BAZ2B: variants seen among roughly 807,000 people sequenced by gnomAD.
BAZ2B encodes the protein bromodomain adjacent to zinc finger domain 2B, also known as bromodomain adjacent to zinc finger domain protein 2B.
Under a neutral mutation model 246.0 loss-of-function variants are expected in BAZ2B, and 91 were observed. The ratio of observed to expected loss-of-function variants is 0.37; its 90% CI spans 0.31 to 0.44. BAZ2B has a LOEUF of 0.44. Among genes scored for constraint, BAZ2B ranks in the 20% least tolerant of loss-of-function variants. BAZ2B has a pLI of 1.00. For missense variants in BAZ2B, 2,332 were observed against 2,533.7 expected, an observed-to-expected ratio of 0.92 and a Z score of 1.71; for synonymous variants, 855 against 860.0, an observed-to-expected ratio of 0.99 and a Z score of 0.10.
At chr2:159,593,127 G>T (rs1689783628) in intron 1 of BAZ2B, among the ~76,000 whole-genome samples, 1 of 152,118 alleles carries the variant, frequency 6.6e-6, no homozygotes, top group South Asian at 2.1e-4. Flanking sequence ...GTAATAAAAA[G>T]AAAATACATG....
chr2:159,499,394 G>T (rs1425965615), intron 2 of BAZ2B, among the ~76,000 whole-genome samples: 2 of 152,090 alleles, frequency 1.3e-5, no homozygotes, highest in African/African-American at 4.8e-5. Context: ...CATGGTGTAT[G>T]TACCACATTT....
the BAZ2B span, among the ~76,000 whole-genome samples, chr2:159,687,029 G>C: frequency 1.0e-5 from 1 of 98,738 alleles, no homozygotes; most frequent in Non-Finnish European, 1.8e-5. Context: ...GTGACAGAGC[G>C]AGACTCCATC....
At chr2:159,711,339 C>CTTAAAATACCTTTAAGTCT in the BAZ2B span, among the ~76,000 whole-genome samples, 2 of 152,188 alleles carry the variant, frequency 1.3e-5, no homozygotes, top group Non-Finnish European at 2.9e-5. Flanking sequence ...TACATGCCAA[C>CTTAAAATACCTTTAAGTCT]TTAAAATACC....
At chr2:159,675,679 T>C in the BAZ2B span, among the ~76,000 whole-genome samples, 5 of 152,352 alleles carry the variant, frequency 3.3e-5, no homozygotes, top group Admixed American at 2.0e-4. Flanking sequence ...TATTTCCCCA[T>C]ATATCATCTC....
the BAZ2B span, among the ~76,000 whole-genome samples, chr2:159,669,590 T>C: frequency 2.0e-5 from 3 of 152,116 alleles, no homozygotes; most frequent in Non-Finnish European, 4.4e-5. Context: ...TACTCAGGCA[T>C]TTGTGATTAC....
intron 1 of BAZ2B, among the ~76,000 whole-genome samples, chr2:159,571,627 A>G (rs1234778434): frequency 1.3e-5 from 2 of 152,172 alleles, no homozygotes; most frequent in African/African-American, 4.8e-5. Flanking sequence ...CTAATGGCCA[A>G]TTGTCTTAGT....
the BAZ2B span, among the ~76,000 whole-genome samples, chr2:159,660,621 A>G: frequency 1.3e-5 from 2 of 151,982 alleles, no homozygotes; most frequent in Non-Finnish European, 2.9e-5. Flanking sequence ...ATATATATAT[A>G]TTTTTTGAGA....
chr2:159,712,140 ACGGGGCCCTGCAGGTGGGCCTGTGGG>A, the BAZ2B span: 1 of 149,958 alleles, frequency 6.7e-6, no homozygotes. Context: ...TATTTCGAGC[ACGGGGCCCTGCAGGTGGGCCTGTGGG>A]CGGGGACCCG....
chr2:159,328,912 G>C (rs2064191532), intron 34 of BAZ2B, among the ~76,000 whole-genome samples: 2 of 152,274 alleles, frequency 1.3e-5, no homozygotes, highest in South Asian at 4.1e-4. Flanking sequence ...CAGATAACTT[G>C]AGGTTAGGAG....
chr2:159,481,487 T>C (rs930794675), intron 2 of BAZ2B, among the ~76,000 whole-genome samples: 8 of 151,308 alleles, frequency 5.3e-5, no homozygotes, highest in African/African-American at 1.9e-4. Context: ...CTAAAAGCAG[T>C]GGGTCAAAAT....
chr2:159,676,969 TA>T, the BAZ2B span, among the ~76,000 whole-genome samples: 1 of 94,324 alleles, frequency 1.1e-5, no homozygotes, highest in Admixed American at 1.0e-4. Flanking sequence ...TATATATATA[TA>T]TATATATATA....
the BAZ2B span, among the ~76,000 whole-genome samples, chr2:159,624,082 G>T: frequency 6.6e-6 from 1 of 152,186 alleles, no homozygotes; most frequent in Non-Finnish European, 1.5e-5. Context: ...CTGCTGGGAG[G>T]TTCGAACCGG....
At chr2:159,674,272 C>A in the BAZ2B span, among the ~76,000 whole-genome samples, 1 of 145,382 alleles carries the variant, frequency 6.9e-6, no homozygotes, top group Non-Finnish European at 1.5e-5. Flanking sequence ...TAAGTGAGGG[C>A]TGCAGTAAGC....
At chr2:159,466,315 CAG>C (rs760704364) in intron 3 of BAZ2B, among the ~76,000 whole-genome samples, 1 of 152,148 alleles carries the variant, frequency 6.6e-6, no homozygotes, top group Non-Finnish European at 1.5e-5. Context: ...ACTTATTAAT[CAG>C]AGTTAATTAT....
chr2:159,670,718 G>A, the BAZ2B span: 1 of 152,114 alleles, frequency 6.6e-6, no homozygotes, highest in African/African-American at 2.4e-5. Flanking sequence ...CATTTCTGAT[G>A]TTCTTCATTT....
At chr2:159,538,548 A>G (rs1035512283) in intron 2 of BAZ2B, among the ~76,000 whole-genome samples, 10 of 152,190 alleles carry the variant, frequency 6.6e-5, no homozygotes, top group Admixed American at 1.3e-4. Context: ...ATTCTCATGT[A>G]CCACTCTGGT....
chr2:159,636,522 A>G, the BAZ2B span, among the ~76,000 whole-genome samples: 3 of 152,122 alleles, frequency 2.0e-5, no homozygotes, highest in African/African-American at 7.2e-5. Context: ...GAAATCACTC[A>G]TCGCGGTGGT....
upstream of BAZ2B, among the ~76,000 whole-genome samples, chr2:159,617,406 A>AT (rs1376652278): frequency 1.3e-5 from 2 of 152,102 alleles, no homozygotes; most frequent in Non-Finnish European, 2.9e-5. Context: ...CATCCTATAG[A>AT]TTCCTAAAAA....
intron 14 of BAZ2B, 83 bp downstream of exon 14, chr2:159,412,252 C>T: frequency 7.2e-7 from 1 of 1,388,506 alleles, no homozygotes; most frequent in Non-Finnish European, 1.0e-6. Flanking sequence ...AGAGCAGTGT[C>T]AATCCTAAGT....
Sources: allele counts gnomAD v4.1 joint callset (sites outside exome capture counted in the v4.1 genomes callset), GRCh38; gene constraint gnomAD v4.1.1; transcripts MANE v1.5; gene names NCBI Gene and HGNC (gene_info 2026-07-23, HGNC 2026-07-21).